EMB: variants seen among roughly 807,000 people sequenced by gnomAD.
The protein encoded by EMB is embigin homolog.
A neutral mutation model predicts 41.4 loss-of-function variants in EMB; 31 were observed. The observed-to-expected ratio is 0.75, with a 90% CI of 0.56 to 1.01. The LOEUF is 1.01. EMB is among the 50% of genes least tolerant of loss of function. EMB has a pLI of 0.00. For synonymous variants in EMB, 137 were observed against 140.4 expected, an observed-to-expected ratio of 0.98 and a Z score of 0.17; for missense variants, 379 against 388.3, an observed-to-expected ratio of 0.98 and a Z score of 0.20.
intron 7 of EMB, among the ~76,000 whole-genome samples, chr5:50,400,511 T>TA (rs970362086): frequency 1.9e-4 from 29 of 150,850 alleles, no homozygotes; most frequent in East Asian, 3.9e-4. Flanking sequence ...TAATATTTTC[T>TA]AAAAAAAAAG....
In EMB at chr5:50,411,363, C is replaced by A. The variant is rs1745335183; in HGVS notation, c.217G>T (p.Glu73Ter). Residue 73 changes from glutamate to a stop codon, truncating the protein, a stop_gained, in exon 3 of 9, where the codon GAA becomes TAA. Coordinates refer to ENST00000303221, the MANE Select transcript of EMB (RefSeq NM_198449.3). LOFTEE classifies it high-confidence loss of function. ...GGCCTTTCTAAAGTGATATTTTTTT[C>A]TACTGGCATACTAGAATGTTCTATT... Reference protein sequence around the residue: ...SLTEHSSMPVEKNITLERPSN... With the variant: ...SLTEHSSMPV The A allele has an allele frequency of 6.2e-7, 1 of 1,601,582 alleles. No individual in the cohort carries two copies. Among genetic ancestry groups the A allele is most frequent in the African/African-American group, 1.3e-5 (1 of 74,608 alleles).
chr5:50,428,019 T>C (rs1310937558), intron 2 of EMB, 125 bp downstream of exon 2: 4 of 636,544 alleles, frequency 6.3e-6, no homozygotes, highest in Non-Finnish European at 8.2e-6. Flanking sequence ...ACTACTGGTA[T>C]GTTTTCCCAC....
chr5:50,437,547 T>C (rs1199056518), intron 1 of EMB, among the ~76,000 whole-genome samples: 3 of 152,202 alleles, frequency 2.0e-5, no homozygotes, highest in South Asian at 4.1e-4. Flanking sequence ...ATTAAATGAG[T>C]TGCAATCCAC....
chr5:50,441,334 G>T (rs574076938), upstream of EMB: 2 of 386,292 alleles, frequency 5.2e-6, no homozygotes, highest in Non-Finnish European at 9.2e-6. Context: ...CCCCCGAGAC[G>T]CTCTTACCGC....
Position 50,403,251 on chromosome 5 carries a change from C to T in EMB, c.804G>A (p.Val268=). 1 of 1,612,576 alleles carries T rather than the reference C, an allele frequency of 6.2e-7. No individual in the cohort carries two copies. The highest frequency in any genetic ancestry group is 8.5e-7 in the Non-Finnish European group (1 of 1,179,096). ...LVPLKPFLVI[V]AEVILLVATI... ...TGGCCACTAAAAGAATCACCTCAGC[C>T]ACTATTACAAGAAATGGTTTGAGGG... The change falls in exon 6 of 9, where the codon GTG becomes GTA. Residue 268 remains valine, a synonymous_variant. Transcript: ENST00000303221.
chr5:50,430,883 T>C (rs911020845), intron 1 of EMB, among the ~76,000 whole-genome samples: 1 of 152,098 alleles, frequency 6.6e-6, no homozygotes, highest in Non-Finnish European at 1.5e-5. Context: ...CAGGGACCTG[T>C]GTTAGAACAA....
intron 5 of EMB, among the ~76,000 whole-genome samples, chr5:50,404,530 C>G (rs1579721560): frequency 6.6e-6 from 1 of 151,926 alleles, no homozygotes; most frequent in Non-Finnish European, 1.5e-5. Flanking sequence ...AGGATAATGA[C>G]TAGTATAGCA....
At chr5:50,415,652 C>T (rs561177618) in intron 2 of EMB, among the ~76,000 whole-genome samples, 22 of 152,224 alleles carry the variant, frequency 1.4e-4, no homozygotes, top group African/African-American at 5.1e-4. Flanking sequence ...CAAAGAGAGG[C>T]TATTTTGTCT....
intron 1 of EMB, 48 bp from the exon 2 acceptor site, chr5:50,428,275 G>A: frequency 1.4e-6 from 2 of 1,443,456 alleles, no homozygotes; most frequent in Non-Finnish European, 9.6e-7. Flanking sequence ...AAGAGTAAAT[G>A]ACTATCTAAA....
intron 2 of EMB, among the ~76,000 whole-genome samples, chr5:50,420,666 T>C (rs1745505054): frequency 1.3e-5 from 2 of 152,162 alleles, no homozygotes; most frequent in Non-Finnish European, 2.9e-5. Flanking sequence ...CTGTATGACA[T>C]CGGGGGAGGA....
chr5:50,439,823 G>C (rs1334488118), intron 1 of EMB, among the ~76,000 whole-genome samples: 4 of 152,052 alleles, frequency 2.6e-5, no homozygotes, highest in African/African-American at 9.7e-5. Context: ...ATTCCCATGA[G>C]AGTTTGAAAA....
chr5:50,429,036 C>A (rs1256347069), intron 1 of EMB, among the ~76,000 whole-genome samples: 1 of 152,162 alleles, frequency 6.6e-6, no homozygotes, highest in East Asian at 1.9e-4. Context: ...GCTGGGACTA[C>A]AGGCTCCCGC....
At chr5:50,419,789 T>G (rs1465136739) in intron 2 of EMB, among the ~76,000 whole-genome samples, 1 of 152,090 alleles carries the variant, frequency 6.6e-6, no homozygotes, top group Non-Finnish European at 1.5e-5. Context: ...CAAATGCCCA[T>G]CAATGATAGA....
At chr5:50,420,563 T>C (rs1745502705) in intron 2 of EMB, among the ~76,000 whole-genome samples, 1 of 152,206 alleles carries the variant, frequency 6.6e-6, no homozygotes, top group Non-Finnish European at 1.5e-5. Context: ...ACACTTCCTT[T>C]ATATACTTCC....
chr5:50,422,555 C>T (rs1745541948), intron 2 of EMB, among the ~76,000 whole-genome samples: 1 of 152,108 alleles, frequency 6.6e-6, no homozygotes, highest in African/African-American at 2.4e-5. Context: ...GAGACGCTGG[C>T]TAACAGTACA....
chr5:50,418,350 G>A (rs981527628), intron 2 of EMB, among the ~76,000 whole-genome samples: 17 of 152,170 alleles, frequency 1.1e-4, no homozygotes, highest in Admixed American at 7.2e-4. Flanking sequence ...CTTCCCATCC[G>A]TGTAAGGTTT....
chr5:50,414,122 T>C (rs1011434173), intron 2 of EMB, among the ~76,000 whole-genome samples: 5 of 152,182 alleles, frequency 3.3e-5, no homozygotes, highest in African/African-American at 1.2e-4. Context: ...TGGAAGACGG[T>C]AGTATATCAT....
At chr5:50,408,551 C>T (rs1273991323) in intron 4 of EMB, among the ~76,000 whole-genome samples, 1 of 151,982 alleles carries the variant, frequency 6.6e-6, no homozygotes, top group East Asian at 1.9e-4. Context: ...AGGGACTTTG[C>T]TGATGAATTG....
chr5:50,432,416 T>C (rs1414226134), intron 1 of EMB, among the ~76,000 whole-genome samples: 1 of 152,136 alleles, frequency 6.6e-6, no homozygotes, highest in Non-Finnish European at 1.5e-5. Context: ...GAAACACTGA[T>C]AGGAATGAAT....
Sources: allele counts gnomAD v4.1 joint callset (sites outside exome capture counted in the v4.1 genomes callset), GRCh38; gene constraint gnomAD v4.1.1; transcripts MANE v1.5; gene names NCBI Gene and HGNC (gene_info 2026-07-23, HGNC 2026-07-21).